The following C4orf51 variants were observed in gnomAD, a reference collection of about 807,000 sequenced individuals.
C4orf51 encodes chromosome 4 open reading frame 51, also known as uncharacterized protein C4orf51.
In C4orf51, 25 loss-of-function variants were observed where a neutral mutation model predicts 25.2. The ratio of observed to expected loss-of-function variants is 0.99; its 90% CI spans 0.72 to 1.39. The LOEUF is 1.39. C4orf51 is among the 40% of genes most tolerant of loss of function. C4orf51 has a pLI of 0.00. For synonymous variants in C4orf51, 100 were observed against 84.5 expected (o/e 1.18, Z -1.01); for missense variants, 252 against 239.6 (o/e 1.05, Z -0.34).
In C4orf51 at chr4:145,765,185, G is replaced by C. The variant is rs1215280685; in HGVS notation, n.167-5803G>C. 1.3e-6 allele frequency: 2 copies of C among 1,583,766 alleles called. No individual in the cohort carries two copies. The highest frequency in any genetic ancestry group is 1.7e-6 in the Non-Finnish European group (2 of 1,163,640). On this transcript the variant is annotated intron_variant and non_coding_transcript_variant, in intron 1 of 1. Coordinates refer to the C4orf51 transcript ENST00000510096. The surrounding 1 kb of genome is among the most constrained non-coding windows in gnomAD (Gnocchi z 4.7). ...CGAACCCTGCAAGGACCGAAGCTGG[G>C]TATAGAGGTGCACAGGGCAGCGGGG... is the stretch of plus-strand genomic sequence containing the variant.
the C4orf51 span, among the ~76,000 whole-genome samples, chr4:145,790,934 T>C: frequency 6.6e-6 from 1 of 152,248 alleles, no homozygotes; most frequent in Non-Finnish European, 1.5e-5. Context: ...GCAACAGTGG[T>C]CACAAATATT....
At position 145,702,296 on chromosome 4, in the gene C4orf51, C is replaced by T. The variant is rs1730499834; in HGVS notation, c.307+5664C>T. ...TGCCAAACCCACATACTCTCCTATC[C>T]TCAATACCTCCCTCTACTACCCATT... On this transcript the variant is annotated intron_variant, in intron 2 of 5. Transcript: ENST00000438731. Among the ~76,000 whole-genome samples, 3 of 151,802 alleles carry T rather than the reference C, an allele frequency of 2.0e-5. No individual in the cohort carries two copies. The South Asian group carries it at 6.3e-4, about 32-fold the overall frequency.
At chr4:145,706,893 C>A (rs1730842833) in intron 2 of C4orf51, among the ~76,000 whole-genome samples, 1 of 149,898 alleles carries the variant, frequency 6.7e-6, no homozygotes, top group Non-Finnish European at 1.5e-5. Context: ...CTCACTGCAA[C>A]CTCCACCTCC....
chr4:145,685,185 A>G (rs1386381876), intron 1 of C4orf51, among the ~76,000 whole-genome samples: 1 of 152,196 alleles, frequency 6.6e-6, no homozygotes, highest in Non-Finnish European at 1.5e-5. Context: ...AGAAACACCT[A>G]TTGGAACTGT....
intron 1 of C4orf51, among the ~76,000 whole-genome samples, chr4:145,685,560 C>T (rs1729101732): frequency 6.6e-6 from 1 of 152,138 alleles, no homozygotes; most frequent in Non-Finnish European, 1.5e-5. Flanking sequence ...TGACTGGGGG[C>T]TGCATGCACT....
chr4:145,788,858 C>A, the C4orf51 span, among the ~76,000 whole-genome samples: 2 of 152,162 alleles, frequency 1.3e-5, no homozygotes, highest in South Asian at 2.1e-4. Flanking sequence ...AAAATCATGT[C>A]TTTTTTGTTT....
chr4:145,714,644 AGAGCTCC>A (rs1465163526), intron 2 of C4orf51, among the ~76,000 whole-genome samples: 1 of 152,192 alleles, frequency 6.6e-6, no homozygotes, highest in African/African-American at 2.4e-5. Context: ...GGAAATTTGT[AGAGCTCC>A]ATTTTGGGGG....
chr4:145,704,667 G>T (rs908708308), intron 2 of C4orf51, among the ~76,000 whole-genome samples: 2 of 152,014 alleles, frequency 1.3e-5, no homozygotes, highest in Non-Finnish European at 2.9e-5. Context: ...GTTTTTTCTT[G>T]CTGCTTTCAA....
chr4:145,681,976 G>A (rs1164541817), intron 1 of C4orf51, among the ~76,000 whole-genome samples: 3 of 152,068 alleles, frequency 2.0e-5, no homozygotes, highest in African/African-American at 7.2e-5. Flanking sequence ...TCTGAAAATA[G>A]TGTTTGAAAG....
chr4:145,715,514 C>T (rs997690555), intron 2 of C4orf51, among the ~76,000 whole-genome samples: 11 of 152,200 alleles, frequency 7.2e-5, no homozygotes, highest in South Asian at 4.1e-4. Context: ...AGAGGTGTCA[C>T]GGGTAAAGGG....
chr4:145,700,735 G>T (rs572525912), intron 2 of C4orf51, among the ~76,000 whole-genome samples: 3 of 151,832 alleles, frequency 2.0e-5, no homozygotes, highest in Non-Finnish European at 2.9e-5. Context: ...AACCCCAAGC[G>T]TCGCTGAGTC....
intron 2 of C4orf51, among the ~76,000 whole-genome samples, chr4:145,698,634 G>A (rs1730231654): frequency 1.3e-5 from 2 of 152,172 alleles, no homozygotes; most frequent in Admixed American, 6.5e-5. Context: ...TGTTCTATCA[G>A]TCTTAAGGTC....
At chr4:145,727,142 C>A (rs1732108894) in intron 3 of C4orf51, among the ~76,000 whole-genome samples, 173 bp downstream of exon 3, 1 of 152,088 alleles carries the variant, frequency 6.6e-6, no homozygotes, top group African/African-American at 2.4e-5. Flanking sequence ...GTGATAGGAA[C>A]ACAACAATAA....
chr4:145,762,929 CA>C lies in C4orf51; in HGVS notation n.167-8058del, dbSNP rs2126852671. 6.6e-6 allele frequency among the ~76,000 whole-genome samples: 1 copy of C among 152,312 alleles called. No individual in the cohort carries two copies. The highest frequency in any genetic ancestry group is 1.9e-4 in the East Asian group (1 of 5,188). On this transcript the variant is annotated intron_variant and non_coding_transcript_variant, in intron 1 of 1. Coordinates refer to the C4orf51 transcript ENST00000510096. The surrounding 1 kb of genome is among the most constrained non-coding windows in gnomAD (Gnocchi z 4.9). ...TCGGAGGGTCTGGAGAGGTGTTCAG[CA>C]GAGCCCAACACAACCAAGTGCACCG...
the C4orf51 span, among the ~76,000 whole-genome samples, chr4:145,778,978 G>C: frequency 6.6e-6 from 1 of 152,086 alleles, no homozygotes; most frequent in African/African-American, 2.4e-5. Context: ...CATAAATAAA[G>C]GCAGAAGCTG....
intron 1 of C4orf51, among the ~76,000 whole-genome samples, chr4:145,685,237 C>A (rs146734998): frequency 2.2e-3 from 328 of 152,294 alleles, no homozygotes; most frequent in African/African-American, 7.7e-3. Context: ...GACATTTTTA[C>A]AATATCCTTG....
At chr4:145,781,182 C>T in the C4orf51 span, among the ~76,000 whole-genome samples, 1 of 72,994 alleles carries the variant, frequency 1.4e-5, no homozygotes, top group African/African-American at 5.7e-5. Context: ...GGCAACAGAA[C>T]GAGACACCAT....
Position 145,765,737 on chromosome 4 carries a change from C to T in C4orf51, n.167-5251C>T, listed in dbSNP as rs1377941582. ...ATTCGCTGGGGGTCTTCCTGTCTTC[C>T]CCTGAAAAATAAGCAAATAACCCAG... On this transcript the variant is annotated intron_variant and non_coding_transcript_variant, in intron 1 of 1. Transcript: ENST00000510096. This position sits in a 1 kb window ranked among gnomAD's most constrained non-coding sequence, Gnocchi z 4.7. 1 of 1,612,470 alleles carries T rather than the reference C, an allele frequency of 6.2e-7. No individual in the cohort carries two copies. Among genetic ancestry groups the T allele is most frequent in the South Asian group, 1.1e-5 (1 of 90,804 alleles).
In C4orf51 at chr4:145,696,598, C is replaced by T. The variant is rs1468856529; in HGVS notation, c.273C>T (p.Cys91=). The change falls in exon 2 of 6, where the codon TGC becomes TGT. Residue 91 remains cysteine (C), a synonymous_variant. Transcript: ENST00000438731. ...LTNSSACHLL[C]WAGTQETTDI... ...ACAGTTCTGCCTGTCATCTTCTCTG[C>T]TGGGCTGGTACCCAAGAGACTACAG... is the stretch of plus-strand genomic sequence containing the variant. The T allele has an allele frequency of 1.1e-5, 18 of 1,613,698 alleles. No individual in the cohort carries two copies. Among genetic ancestry groups the T allele is most frequent in the Non-Finnish European group, 1.5e-5 (18 of 1,179,740 alleles).
Sources: gnomAD v4.1 joint callset for allele counts (sites outside exome capture counted in the v4.1 genomes callset) on GRCh38, gnomAD v4.1.1 for gene constraint, Gnocchi (gnomAD v3.1) non-coding constraint, MANE v1.5 for transcripts, NCBI Gene and HGNC (gene_info 2026-07-23, HGNC 2026-07-21) for gene names.